NMNAT2: variants seen among roughly 807,000 people sequenced by gnomAD.
NMNAT2 encodes nicotinamide nucleotide adenylyltransferase 2.
A neutral mutation model predicts 41.6 loss-of-function variants in NMNAT2; 11 were observed. That is an observed-to-expected ratio of 0.26 (90% CI 0.17 to 0.44). The LOEUF (loss-of-function observed/expected upper bound fraction) is 0.44, where lower values mean the gene tolerates loss of function less well. Among genes scored for constraint, NMNAT2 ranks in the 20% least tolerant of loss-of-function variants. NMNAT2 has a pLI of 1.00. For missense variants in NMNAT2, 288 were observed against 407.7 expected, an observed-to-expected ratio of 0.71 and a Z score of 2.53; for synonymous variants, 148 against 151.2, an observed-to-expected ratio of 0.98 and a Z score of 0.16.
chr1:183,393,636 A>G (rs1571636005), intron 1 of NMNAT2, among the ~76,000 whole-genome samples: 1 of 152,074 alleles, frequency 6.6e-6, no homozygotes. Context: ...GCTTACCGCA[A>G]CCTCTGCCTC....
intron 1 of NMNAT2, among the ~76,000 whole-genome samples, chr1:183,407,633 G>C (rs1348312082): frequency 6.6e-6 from 1 of 152,106 alleles, no homozygotes; most frequent in Admixed American, 6.5e-5. Context: ...TAGATAATAT[G>C]AGGCATGGAC....
chr1:183,342,022 CTTTTT>C (rs11355849), intron 1 of NMNAT2, among the ~76,000 whole-genome samples: 2 of 132,558 alleles, frequency 1.5e-5, no homozygotes, highest in Non-Finnish European at 1.6e-5. Context: ...CCTTCCTCAC[CTTTTT>C]TTTTTTTTTT....
intron 8 of NMNAT2, among the ~76,000 whole-genome samples, chr1:183,274,498 A>T (rs1371663805): frequency 6.6e-6 from 1 of 151,570 alleles, no homozygotes; most frequent in Non-Finnish European, 1.5e-5. Context: ...TTTTTAGTAG[A>T]GATGGGGTTT....
At position 183,251,727 on chromosome 1, in the gene NMNAT2, G is replaced by T. The variant is rs41302129; in HGVS notation, c.*914C>A. 0.011 allele frequency: 1,706 copies of T among 153,114 alleles called. 11 individuals carry two copies. Among genetic ancestry groups the T allele is most frequent in the Middle Eastern group, 0.023 (7 of 298 alleles). The allele number at this position is 153,114 out of a possible 1,614,324, so 9.5% of individuals were successfully genotyped here. A position where few individuals can be genotyped will look rare whatever the true frequency, so the allele number is the denominator to read the frequency against. On this transcript the variant is annotated 3_prime_UTR_variant, in exon 11 of 11. Transcript: ENST00000287713. ...ATGGACTGGCTCTGTGTGATCATAA[G>T]CTCAGAGCATCAGGGAAATGGTCAT...
chr1:183,380,541 A>G (rs184572727), intron 1 of NMNAT2, among the ~76,000 whole-genome samples: 2 of 152,326 alleles, frequency 1.3e-5, no homozygotes, highest in African/African-American at 2.4e-5. Context: ...GCTAAGCATT[A>G]TCATAGAGAC....
chr1:183,415,933 G>A (rs1165655038), intron 1 of NMNAT2, among the ~76,000 whole-genome samples: 2 of 151,826 alleles, frequency 1.3e-5, no homozygotes, highest in Non-Finnish European at 2.9e-5. Flanking sequence ...TCCTTTTTTT[G>A]TATTACTCTC....
chr1:183,394,707 G>A (rs1648583228), intron 1 of NMNAT2, among the ~76,000 whole-genome samples: 1 of 152,136 alleles, frequency 6.6e-6, no homozygotes, highest in Non-Finnish European at 1.5e-5. Context: ...CGAGATTAGG[G>A]GCATAGCCTC....
intron 1 of NMNAT2, among the ~76,000 whole-genome samples, chr1:183,413,505 T>C (rs1365626718): frequency 6.6e-6 from 1 of 152,022 alleles, no homozygotes; most frequent in Non-Finnish European, 1.5e-5. Context: ...ACTTGGAAAA[T>C]GATTATAGTA....
At chr1:183,402,930 A>G (rs143649814) in intron 1 of NMNAT2, among the ~76,000 whole-genome samples, 14 of 151,172 alleles carry the variant, frequency 9.3e-5, no homozygotes, top group Non-Finnish European at 1.5e-4. Flanking sequence ...GTGCAATAAG[A>G]CATCATGTCA....
rs1571650006 is a variant in NMNAT2 at position 183,418,324 on chromosome 1, T to C, written c.-57A>G. ...GGTTGCCTCTCTTTTTGTGTCTCGT[T>C]GTGTCTGCAGAGGGAGAAAGGAAGG... On this transcript the variant is annotated 5_prime_UTR_variant, in exon 1 of 11. Coordinates refer to ENST00000287713, the MANE Select transcript of NMNAT2 (RefSeq NM_015039.4). The C allele has an allele frequency of 6.5e-7, 1 of 1,532,658 alleles. No individual in the cohort carries two copies. The highest frequency in any genetic ancestry group is 9.0e-7 in the Non-Finnish European group (1 of 1,106,494). 94.9% of individuals were successfully genotyped at this position (1,532,658 alleles called of 1,614,324 possible).
At chr1:183,359,294 C>T (rs559346548) in intron 1 of NMNAT2, among the ~76,000 whole-genome samples, 47 of 152,210 alleles carry the variant, frequency 3.1e-4, no homozygotes, top group Non-Finnish European at 6.2e-4. Context: ...TCATAACAGA[C>T]ATATTTCGCT....
At chr1:183,285,392 A>G (rs1470997496) in intron 5 of NMNAT2, among the ~76,000 whole-genome samples, 3 of 152,212 alleles carry the variant, frequency 2.0e-5, no homozygotes, top group African/African-American at 7.2e-5. Flanking sequence ...CTGCTGGGCT[A>G]AGGCGCTCCT....
intron 8 of NMNAT2, among the ~76,000 whole-genome samples, chr1:183,276,154 A>G (rs916739960): frequency 2.0e-5 from 3 of 152,170 alleles, no homozygotes; most frequent in Non-Finnish European, 4.4e-5. Flanking sequence ...AACCACCCAG[A>G]TGGGACAGAA....
At chr1:183,266,797 C>A in intron 8 of NMNAT2, 1 of 200,496 alleles carries the variant, frequency 5.0e-6, no homozygotes, top group Non-Finnish European at 1.1e-5. Context: ...TGACTCACTT[C>A]CATGGCCTGG....
chr1:183,293,569 C>A lies in NMNAT2; in HGVS notation c.174+136G>T, dbSNP rs1184283360. 8.7e-6 allele frequency: 6 copies of A among 690,766 alleles called. No individual in the cohort carries two copies. The African/African-American group carries it at 1.1e-4, about 12-fold the overall frequency. 42.8% of individuals were successfully genotyped at this position (690,766 alleles called of 1,614,324 possible). A position where few individuals can be genotyped will look rare whatever the true frequency, so the allele number is the denominator to read the frequency against. On this transcript the variant is annotated intron_variant, in intron 2 of 10. Transcript: ENST00000287713. The stretch of plus-strand genomic sequence containing the variant: ...GTCCTGAGATGGGAAGCAGGATAGA[C>A]GCATGGACCTGGGCATTTTGTGTTT...
intron 1 of NMNAT2, among the ~76,000 whole-genome samples, chr1:183,306,280 C>G (rs1347863748): frequency 6.6e-6 from 1 of 152,090 alleles, no homozygotes; most frequent in Admixed American, 6.6e-5. Flanking sequence ...GTTATCTTAA[C>G]ATGGTAAAAG....
chr1:183,376,711 G>A (rs566099137), intron 1 of NMNAT2, among the ~76,000 whole-genome samples: 1 of 152,230 alleles, frequency 6.6e-6, no homozygotes, highest in Non-Finnish European at 1.5e-5. Context: ...TAGAACTTTA[G>A]GATCTTGAAG....
chr1:183,360,546 C>T (rs1214932438), intron 1 of NMNAT2, among the ~76,000 whole-genome samples: 1 of 152,188 alleles, frequency 6.6e-6, no homozygotes, highest in Non-Finnish European at 1.5e-5. Flanking sequence ...TATAAACATC[C>T]TCCATCTAGG....
chr1:183,277,428 A>T (rs1365414557), intron 8 of NMNAT2, among the ~76,000 whole-genome samples: 1 of 145,192 alleles, frequency 6.9e-6, no homozygotes, highest in Non-Finnish European at 1.5e-5. Flanking sequence ...GGTTGCAGTG[A>T]CTCTTGAACC....
Sources: gnomAD v4.1 joint callset for allele counts (sites outside exome capture counted in the v4.1 genomes callset) on GRCh38, gnomAD v4.1.1 for gene constraint, MANE v1.5 for transcripts, NCBI Gene and HGNC (gene_info 2026-07-23, HGNC 2026-07-21) for gene names.